SLC26A5: variants seen among roughly 807,000 people sequenced by gnomAD.
SLC26A5 encodes the protein solute carrier family 26 member 5, also known as prestin.
A neutral mutation model predicts 81.0 loss-of-function variants in SLC26A5; 51 were observed. The observed-to-expected ratio is 0.63, with a 90% CI of 0.50 to 0.80. SLC26A5 has a LOEUF of 0.80. SLC26A5 is among the 30% of genes least tolerant of loss of function. The probability of loss-of-function intolerance (pLI) is 0.00; values close to 1 mark genes in which losing one functional copy is unlikely to be tolerated. For synonymous variants in SLC26A5, 325 were observed against 332.8 expected, an observed-to-expected ratio of 0.98 and a Z score of 0.25; for missense variants, 771 against 905.8, an observed-to-expected ratio of 0.85 and a Z score of 1.91.
chr7:103,427,804 A>G (rs920279033), intron 2 of SLC26A5, among the ~76,000 whole-genome samples: 30 of 151,220 alleles, frequency 2.0e-4, no homozygotes, highest in African/African-American at 5.6e-4. Context: ...GCATGTCACA[A>G]TCACCTGGGG....
chr7:103,384,401 A>C (rs1360713170), intron 14 of SLC26A5, among the ~76,000 whole-genome samples: 2 of 151,994 alleles, frequency 1.3e-5, no homozygotes, highest in African/African-American at 2.4e-5. Context: ...TCACGAGGTG[A>C]GGAGTTCAAG....
chr7:103,380,812 T>C (rs899939973), intron 14 of SLC26A5, among the ~76,000 whole-genome samples: 1 of 150,466 alleles, frequency 6.6e-6, no homozygotes, highest in Admixed American at 6.6e-5. Context: ...GCACACACCA[T>C]GTACACCTCA....
intron 2 of SLC26A5, among the ~76,000 whole-genome samples, chr7:103,433,789 A>G (rs144755274): frequency 0.018 from 2,603 of 144,832 alleles, 67 homozygotes; most frequent in African/African-American, 0.064. Context: ...TGCAAGCTCC[A>G]TCTCCCGGGT....
chr7:103,385,096 T>C (rs1257157014), intron 14 of SLC26A5, among the ~76,000 whole-genome samples: 1 of 152,160 alleles, frequency 6.6e-6, no homozygotes, highest in African/African-American at 2.4e-5. Flanking sequence ...CTCTGTCATA[T>C]TTATAACACA....
At chr7:103,361,692 A>G (rs995181142) in intron 19 of SLC26A5, among the ~76,000 whole-genome samples, 2 of 152,170 alleles carry the variant, frequency 1.3e-5, no homozygotes, top group Admixed American at 6.5e-5. Flanking sequence ...AATACAAACT[A>G]TGGAAATCAA....
Position 103,413,221 on chromosome 7 carries a change from A to C in SLC26A5, c.293-109T>G, listed in dbSNP as rs1013008611. On this transcript the variant is annotated intron_variant, in intron 4 of 19. Coordinates refer to ENST00000306312, the MANE Select transcript of SLC26A5 (RefSeq NM_198999.3). Reference sequence around the variant, plus strand: ...CTGATGAACGAGTGAAGCCCATCTTAATTTAAGCTGCAACCTGCCCTACCC... The same window carrying C: ...CTGATGAACGAGTGAAGCCCATCTTCATTTAAGCTGCAACCTGCCCTACCC... 5 of 770,318 alleles carry C rather than the reference A, an allele frequency of 6.5e-6. No individual in the cohort carries two copies. In the African/African-American group the frequency reaches 8.6e-5, roughly 13 times the overall value. The allele number at this position is 770,318 out of a possible 1,614,324, so 47.7% of individuals were successfully genotyped here. A position where few individuals can be genotyped will look rare whatever the true frequency, so the allele number is the denominator to read the frequency against.
In SLC26A5 at chr7:103,407,852, G is replaced by A. The variant is rs1250557547; in HGVS notation, c.887C>T (p.Ala296Val). 4.3e-6 allele frequency: 7 copies of A among 1,613,798 alleles called. No individual in the cohort carries two copies. Among genetic ancestry groups the A allele is most frequent in the East Asian group, 4.5e-5 (2 of 44,890 alleles). ...LPAPIPLEFF[A>V]VVMGTGISAG... Reference sequence around the variant, plus strand: ...GGTCACTGACCGAAGGTGACTTACCGCAAAGAACTCTAAAGGAATAGGCGC... The same window carrying A: ...GGTCACTGACCGAAGGTGACTTACCACAAAGAACTCTAAAGGAATAGGCGC... Residue 296 changes from alanine to valine, a missense_variant and splice_region_variant, in exon 8 of 20, where the codon GCG (alanine) becomes GTG (valine). Physicochemically the swap from Ala to Val is moderately conservative, Grantham distance 64 (BLOSUM62 0). Coordinates refer to ENST00000306312, the MANE Select transcript of SLC26A5 (RefSeq NM_198999.3).
Position 103,392,900 on chromosome 7 carries a change from G to A in SLC26A5, c.1119+19C>T. On this transcript the variant is annotated intron_variant, in intron 10 of 19. Coordinates refer to ENST00000306312, the MANE Select transcript of SLC26A5 (RefSeq NM_198999.3). ...ATTGTACTGCTATGAAACATGTGCA[G>A]GAAACTGATTATCTTTACCTGATTG... The A allele has an allele frequency of 6.2e-7, 1 of 1,613,896 alleles. No homozygotes were observed. Among genetic ancestry groups the A allele is most frequent in the Non-Finnish European group, 8.5e-7 (1 of 1,179,808 alleles).
chr7:103,412,944 A>G (rs1824620238), intron 5 of SLC26A5, 58 bp downstream of exon 5: 8 of 1,250,510 alleles, frequency 6.4e-6, no homozygotes, highest in Non-Finnish European at 9.4e-6. Context: ...TCTTTGGCAC[A>G]TTGCAAGGTT....
At chr7:103,362,259 C>G in intron 19 of SLC26A5, 3 of 1,420,512 alleles carry the variant, frequency 2.1e-6, no homozygotes, top group Non-Finnish European at 2.7e-6. Flanking sequence ...TTCCTAACTT[C>G]CCATCGGCTT....
intron 4 of SLC26A5, among the ~76,000 whole-genome samples, chr7:103,416,687 C>A (rs1300478200): frequency 1.3e-5 from 2 of 152,110 alleles, no homozygotes; most frequent in African/African-American, 2.4e-5. Context: ...TCTAATATTT[C>A]AGCTGCCCCT....
At chr7:103,369,740 C>T (rs1273466387), downstream of SLC26A5, among the ~76,000 whole-genome samples, 1 of 151,962 alleles carries the variant, frequency 6.6e-6, no homozygotes, top group East Asian at 1.9e-4. Context: ...TATATATATA[C>T]ATGTGTCAGG....
intron 6 of SLC26A5, 99 bp from the exon 7 acceptor site, chr7:103,410,648 T>G (rs1563558760): frequency 8.4e-7 from 1 of 1,189,272 alleles, no homozygotes; most frequent in Non-Finnish European, 1.2e-6. Flanking sequence ...ACCATTTTCT[T>G]TTTTTTTTGA....
At chr7:103,359,138 CTTT>C (rs35936603) in intron 19 of SLC26A5, among the ~76,000 whole-genome samples, 4 of 31,330 alleles carry the variant, frequency 1.3e-4, no homozygotes, top group African/African-American at 3.2e-4. Flanking sequence ...CCATGTCTGG[CTTT>C]TTTTTTTTTT....
chr7:103,390,437 A>G lies in SLC26A5; in HGVS notation c.1303T>C (p.Leu435=). ...GTCCACATTACACACACCTGGGGCA[A>G]TGATTCAAAGAGGAATCCAGTTGCT... ...ILATGFLFES[L]PQAVLSAIVI... The change falls in exon 12 of 20, where the codon TTG becomes CTG. Residue 435 remains leucine, a synonymous_variant. Transcript: ENST00000306312. The G allele has an allele frequency of 6.2e-7, 1 of 1,614,146 alleles. No homozygotes were observed. The highest frequency in any genetic ancestry group is 1.6e-4 in the Middle Eastern group (1 of 6,062).
intron 7 of SLC26A5, among the ~76,000 whole-genome samples, chr7:103,410,028 A>G (rs1251000700): frequency 6.6e-6 from 1 of 152,168 alleles, no homozygotes; most frequent in Non-Finnish European, 1.5e-5. Context: ...TTTTTGAGAG[A>G]GAAATGTTCT....
chr7:103,366,478 T>C (rs1820726166), intron 19 of SLC26A5, among the ~76,000 whole-genome samples: 1 of 152,246 alleles, frequency 6.6e-6, no homozygotes, highest in Non-Finnish European at 1.5e-5. Flanking sequence ...TGCATTATAC[T>C]GATTGAGTAT....
intron 1 of SLC26A5, chr7:103,445,130 G>A (rs940552163): frequency 3.9e-4 from 59 of 152,172 alleles, no homozygotes; most frequent in African/African-American, 1.3e-3. Flanking sequence ...GAGTCTCCAT[G>A]AATGTTGTTT....
rs1300940653 is a variant in SLC26A5, at chr7:103,363,268, A to G, written c.2042-10342T>C. 7 of 1,145,192 alleles carry G rather than the reference A, an allele frequency of 6.1e-6. No individual in the cohort carries two copies. The African/African-American group carries it at 1.1e-4, about 18-fold the overall frequency. The allele number at this position is 1,145,192 out of a possible 1,614,324, so 70.9% of individuals were successfully genotyped here. A position where few individuals can be genotyped will look rare whatever the true frequency, so the allele number is the denominator to read the frequency against. ...TTGTGAGTTTTTCTTTTAAGGTATTAGGTCTATTCTATTGAATTTGGACAG... is the reference window on the plus strand; with the variant it reads ...TTGTGAGTTTTTCTTTTAAGGTATTGGGTCTATTCTATTGAATTTGGACAG... On this transcript the variant is annotated intron_variant, in intron 19 of 19. Coordinates refer to the SLC26A5 transcript ENST00000339444.
Sources: gnomAD v4.1 joint callset for allele counts (sites outside exome capture counted in the v4.1 genomes callset) on GRCh38, gnomAD v4.1.1 for gene constraint, MANE v1.5 for transcripts, NCBI Gene and HGNC (gene_info 2026-07-23, HGNC 2026-07-21) for gene names.